The following CCN6 variants were observed in gnomAD, a reference collection of about 807,000 sequenced individuals.
The protein encoded by CCN6 is CCN family member 6.
Under a neutral mutation model 37.4 loss-of-function variants are expected in CCN6, and 31 were observed. The observed-to-expected ratio is 0.83, with a 90% CI of 0.62 to 1.12. The LOEUF (loss-of-function observed/expected upper bound fraction) is 1.12. CCN6 is among the 50% of genes most tolerant of loss of function. The pLI, the probability that CCN6 is intolerant of heterozygous loss-of-function variation, is 0.00. For synonymous variants in CCN6, 137 were observed against 142.1 expected (o/e 0.96, Z 0.26); for missense variants, 369 against 413.8 (o/e 0.89, Z 0.94).
chr6:112,062,849 C>A (rs1386260888), intron 2 of CCN6, among the ~76,000 whole-genome samples: 1 of 152,048 alleles, frequency 6.6e-6, no homozygotes, highest in East Asian at 1.9e-4. Flanking sequence ...ATCTGCGGAC[C>A]CCTTTACAGT....
At chr6:112,056,363 T>A (rs1287778029) in intron 1 of CCN6, among the ~76,000 whole-genome samples, 4 of 152,168 alleles carry the variant, frequency 2.6e-5, no homozygotes, top group African/African-American at 9.7e-5. Context: ...TAATTCTGGA[T>A]TGACAGGATT....
chr6:112,066,881 G>T, intron 3 of CCN6: 1 of 1,060,602 alleles, frequency 9.4e-7, no homozygotes, highest in Non-Finnish European at 1.3e-6. Flanking sequence ...GCTTTTTAAT[G>T]AATGGTAAAT....
chr6:112,061,470 C>A, intron 2 of CCN6, 182 bp downstream of exon 2: 2 of 725,706 alleles, frequency 2.8e-6, no homozygotes, highest in Non-Finnish European at 4.7e-6. Context: ...CAGATGCTTA[C>A]ACACATTCAG....
At chr6:112,057,793 A>G (rs1385648441) in intron 1 of CCN6, among the ~76,000 whole-genome samples, 4 of 152,304 alleles carry the variant, frequency 2.6e-5, no homozygotes, top group South Asian at 4.1e-4. Context: ...CATTAAAGCT[A>G]TGAAACACCA....
chr6:112,064,917 G>A lies in CCN6; in HGVS notation c.509G>A (p.Gly170Asp). 6.2e-7 allele frequency: 1 copy of A among 1,614,088 alleles called. No individual in the cohort carries two copies. The highest frequency in any genetic ancestry group is 1.1e-5 in the South Asian group (1 of 91,080). Residue 170 changes from glycine to aspartate, a missense_variant, in exon 3 of 5, where the codon GGT becomes GAT. Gly to Asp is a moderately conservative substitution (Grantham distance 94). Transcript: ENST00000368666. ...GGCAGTCACTGCTCTGGAGCTAAAG[G>A]TGGAAAGAAGTCTGATCAGTCAAAC... ...LAGSHCSGAK[G>D]GKKSDQSNCS...
At chr6:112,053,867 G>T (rs587654983), upstream of CCN6, among the ~76,000 whole-genome samples, 3 of 147,734 alleles carry the variant, frequency 2.0e-5, no homozygotes, top group South Asian at 4.2e-4. Flanking sequence ...GCTGTTGGTG[G>T]GGGGGCCAGG....
In CCN6 at chr6:112,061,025, A is replaced by G. The variant is rs782409355; in HGVS notation, c.83A>G (p.Asp28Gly). 9.3e-6 allele frequency: 15 copies of G among 1,614,054 alleles called. No individual in the cohort carries two copies. The highest frequency in any genetic ancestry group is 1.3e-5 in the Non-Finnish European group (15 of 1,180,036). Residue 28 changes from aspartate (D) to glycine (G), a missense_variant, in exon 2 of 5, where the codon GAT becomes GGT. By Grantham distance (94) the Asp-to-Gly change is moderately conservative. Transcript: ENST00000368666. ...CCRVQGTGPL[D>G]TTPEGRPGEV... is the part of the protein sequence containing the mutation. ...AGGGTACAGGGCACTGGACCATTAG[A>G]TACAACACCTGAAGGAAGGCCTGGA...
chr6:112,065,601 A>AAACACACACACACACACACAAAC (rs782199841), intron 3 of CCN6, among the ~76,000 whole-genome samples: 1 of 144,104 alleles, frequency 6.9e-6, no homozygotes, highest in African/African-American at 2.5e-5. Context: ...CACACACACA[A>AAACACACACACACACACACAAAC]ACACACACGC....
At chr6:112,068,858 T>C (rs2114470966) in intron 4 of CCN6, among the ~76,000 whole-genome samples, 1 of 152,238 alleles carries the variant, frequency 6.6e-6, no homozygotes, top group African/African-American at 2.4e-5. Flanking sequence ...GCAGTAAGTC[T>C]GTCTCAAAAA....
At chr6:112,062,965 A>AT (rs1776570501) in intron 2 of CCN6, among the ~76,000 whole-genome samples, 1 of 152,242 alleles carries the variant, frequency 6.6e-6, no homozygotes, top group Non-Finnish European at 1.5e-5. Context: ...AGAAATATTT[A>AT]TTCACTTAAA....
chr6:112,057,833 T>A (rs892009290), intron 1 of CCN6, among the ~76,000 whole-genome samples: 6 of 152,020 alleles, frequency 3.9e-5, no homozygotes, highest in Non-Finnish European at 8.8e-5. Flanking sequence ...AAATTCAGGG[T>A]AACAGGAGCC....
At position 112,061,252 on chromosome 6, in the gene CCN6, G is replaced by C. The variant is rs78266262; in HGVS notation, c.310G>C (p.Val104Leu). 4.6e-4 allele frequency: 741 copies of C among 1,614,196 alleles called. 4 individuals carry two copies. The African/African-American group carries it at 9.1e-3, about 20-fold the overall frequency. ...CAAAGGGCTGTATTGTGACTACTCA[G>C]TAGACAGGCCTAGGTACGAGACTGG... ...PHKGLYCDYS[V>L]DRPRYETGVC... Residue 104 changes from valine to leucine, a missense_variant, in exon 2 of 5, where the codon GTA becomes CTA. Val to Leu is a conservative substitution (Grantham distance 32, BLOSUM62 1). Coordinates refer to ENST00000368666, the MANE Select transcript of CCN6 (RefSeq NM_198239.2).
chr6:112,055,219 G>A (rs141046009), intron 1 of CCN6, among the ~76,000 whole-genome samples: 5 of 152,330 alleles, frequency 3.3e-5, no homozygotes, highest in African/African-American at 1.2e-4. Flanking sequence ...ATACCATATA[G>A]AGAGAGATTT....
At position 112,061,222 on chromosome 6, in the gene CCN6, C is replaced by T; in HGVS notation, c.280C>T (p.Pro94Ser). 2 of 1,614,148 alleles carry T rather than the reference C, an allele frequency of 1.2e-6. No individual in the cohort carries two copies. The highest frequency in any genetic ancestry group is 1.7e-6 in the Non-Finnish European group (2 of 1,180,036). Reference sequence around the variant, plus strand: ...CTGCAATGAAGCTGACCTCTGTGACCCACACAAAGGGCTGTATTGTGACTA... The same window carrying T: ...CTGCAATGAAGCTGACCTCTGTGACTCACACAAAGGGCTGTATTGTGACTA... The part of the protein sequence containing the change: ...EICNEADLCD[P>S]HKGLYCDYSV... Residue 94 changes from proline to serine, a missense_variant, in exon 2 of 5, where the codon CCA (proline) becomes TCA (serine). Physicochemically the swap from Pro to Ser is moderately conservative, Grantham distance 74. Coordinates refer to ENST00000368666, the MANE Select transcript of CCN6 (RefSeq NM_198239.2).
At chr6:112,067,585 A>G (rs1776736826) in intron 3 of CCN6, among the ~76,000 whole-genome samples, 1 of 152,152 alleles carries the variant, frequency 6.6e-6, no homozygotes, top group Non-Finnish European at 1.5e-5. Context: ...CTAAGAACAT[A>G]GGGAGTGTGA....
intron 2 of CCN6, among the ~76,000 whole-genome samples, chr6:112,064,500 A>AT (rs1175517339): frequency 1.3e-5 from 2 of 152,168 alleles, no homozygotes. Context: ...ACTTATGGTG[A>AT]TTTTACAGGG....
chr6:112,067,096 A>G (rs879989490), intron 3 of CCN6: 45 of 1,233,528 alleles, frequency 3.6e-5, no homozygotes, highest in South Asian at 4.8e-5. Context: ...CTCTACTGTC[A>G]TAACACTGAA....
In CCN6 at chr6:112,054,250, C is replaced by A; in HGVS notation, c.-108C>A. On this transcript the variant is annotated 5_prime_UTR_variant, in exon 1 of 5. Coordinates refer to ENST00000368666, the MANE Select transcript of CCN6 (RefSeq NM_198239.2). ...GAGGTAGAGGGTGTGTGTTCTTGTG[C>A]AGAGGAGCGTGGGGTTTGCAGAGGA... The A allele has an allele frequency of 2.7e-6, 4 of 1,484,240 alleles. No individual in the cohort carries two copies. The highest frequency in any genetic ancestry group is 3.8e-6 in the Non-Finnish European group (4 of 1,061,610). 91.9% of individuals were successfully genotyped at this position (1,484,240 alleles called of 1,614,324 possible). A position where few individuals can be genotyped will look rare whatever the true frequency, so the allele number is the denominator to read the frequency against.
At chr6:112,053,863 G>C (rs1453722358), upstream of CCN6, among the ~76,000 whole-genome samples, 1 of 133,702 alleles carries the variant, frequency 7.5e-6, no homozygotes, top group Non-Finnish European at 1.6e-5. Context: ...GGGTGCTGTT[G>C]GTGGGGGGGC....
Sources: gnomAD v4.1 joint callset for allele counts (sites outside exome capture counted in the v4.1 genomes callset) on GRCh38, gnomAD v4.1.1 for gene constraint, MANE v1.5 for transcripts, NCBI Gene and HGNC (gene_info 2026-07-23, HGNC 2026-07-21) for gene names.